The following ATP8A2 variants were observed in gnomAD, a reference collection of about 807,000 sequenced individuals.
ATP8A2 encodes the protein ATPase phospholipid transporting 8A2.
Under a neutral mutation model 165.6 loss-of-function variants are expected in ATP8A2, and 100 were observed. The observed-to-expected ratio is 0.60, with a 90% confidence interval of 0.51 to 0.71. The LOEUF (loss-of-function observed/expected upper bound fraction) is 0.71. Ranked by LOEUF, ATP8A2 falls within the 30% of genes least tolerant of loss-of-function variation. The probability of loss-of-function intolerance (pLI) is 0.00; values close to 1 mark genes in which losing one functional copy is unlikely to be tolerated. For synonymous variants in ATP8A2, 543 were observed against 548.8 expected, an observed-to-expected ratio of 0.99 and a Z score of 0.15; for missense variants, 1,227 against 1,479.5, an observed-to-expected ratio of 0.83 and a Z score of 2.80.
intron 25 of ATP8A2, among the ~76,000 whole-genome samples, chr13:25,712,999 T>A (rs1244106628): frequency 6.6e-6 from 1 of 152,236 alleles, no homozygotes; most frequent in Non-Finnish European, 1.5e-5. Flanking sequence ...TAGTTTACTA[T>A]ACCATGTCTT....
chr13:25,560,959 T>C (rs1297314608), intron 15 of ATP8A2, among the ~76,000 whole-genome samples: 1 of 151,216 alleles, frequency 6.6e-6, no homozygotes, highest in Non-Finnish European at 1.5e-5. Context: ...TCATCTTGGC[T>C]CACTGCAAGC....
intron 33 of ATP8A2, among the ~76,000 whole-genome samples, chr13:25,870,608 T>A (rs1952647052): frequency 6.6e-6 from 1 of 152,186 alleles, no homozygotes; most frequent in South Asian, 2.1e-4. Flanking sequence ...ATGAGGAAAC[T>A]GAGGCTTAGA....
At chr13:25,456,426 C>T (rs1566146361) in intron 1 of ATP8A2, among the ~76,000 whole-genome samples, 1 of 152,214 alleles carries the variant, frequency 6.6e-6, no homozygotes, top group Non-Finnish European at 1.5e-5. Flanking sequence ...GACTGGACTG[C>T]TGCACATGGT....
intron 27 of ATP8A2, among the ~76,000 whole-genome samples, chr13:25,797,112 A>G (rs1950513331): frequency 6.6e-6 from 1 of 152,146 alleles, no homozygotes; most frequent in Non-Finnish European, 1.5e-5. Flanking sequence ...TACTAAAAAT[A>G]CAAAAATTAG....
At chr13:25,454,490 G>A (rs1315422348) in intron 1 of ATP8A2, among the ~76,000 whole-genome samples, 1 of 152,064 alleles carries the variant, frequency 6.6e-6, no homozygotes, top group Non-Finnish European at 1.5e-5. Context: ...TTCATGTGGC[G>A]ACGTTGATCT....
intron 2 of ATP8A2, among the ~76,000 whole-genome samples, chr13:25,523,755 T>G (rs920778070): frequency 2.6e-5 from 4 of 152,128 alleles, no homozygotes; most frequent in East Asian, 1.9e-4. Flanking sequence ...GAGTCTTCCC[T>G]TTTCTTCCTA....
chr13:25,606,096 C>T (rs2138402974), intron 24 of ATP8A2, among the ~76,000 whole-genome samples: 1 of 152,274 alleles, frequency 6.6e-6, no homozygotes, highest in African/African-American at 2.4e-5. Context: ...GGTATTTTCT[C>T]AGTGTTGTTT....
chr13:25,993,110 C>T (rs1202940076), intron 35 of ATP8A2, among the ~76,000 whole-genome samples: 1 of 151,658 alleles, frequency 6.6e-6, no homozygotes, highest in Non-Finnish European at 1.5e-5. Flanking sequence ...TGGGTTGGTT[C>T]CAAGTCTTTG....
intron 2 of ATP8A2, among the ~76,000 whole-genome samples, chr13:25,503,060 G>C (rs1454059484): frequency 6.6e-6 from 1 of 152,178 alleles, no homozygotes; most frequent in Non-Finnish European, 1.5e-5. Context: ...GAATGTCCAG[G>C]ACTAGGCGGG....
At chr13:25,727,011 G>A (rs548882589) in intron 25 of ATP8A2, among the ~76,000 whole-genome samples, 4 of 152,248 alleles carry the variant, frequency 2.6e-5, no homozygotes, top group East Asian at 1.9e-4. Flanking sequence ...TTGATTTTCC[G>A]TGTAGTACCT....
rs983440236 is a variant in ATP8A2 at position 25,634,251 on chromosome 13, C to T, written c.2211+44552C>T. Among the ~76,000 whole-genome samples the T allele has an allele frequency of 6.6e-5, 10 of 152,028 alleles. 1 individual carries two copies. The highest frequency in any genetic ancestry group is 1.9e-4 in the African/African-American group (8 of 41,418). On this transcript the variant is annotated intron_variant, in intron 24 of 36. Coordinates refer to ENST00000381655, the MANE Select transcript of ATP8A2 (RefSeq NM_016529.6). ...TGTCAGAAAATCTGCCTGATTTTCT[C>T]GAGGGACCGAAGCTACAATTGGGAA...
At chr13:25,823,447 C>A (rs768554460) in intron 27 of ATP8A2, among the ~76,000 whole-genome samples, 3 of 152,042 alleles carry the variant, frequency 2.0e-5, no homozygotes, top group Non-Finnish European at 4.4e-5. Context: ...ATATAAGACA[C>A]GTGTTTAATA....
chr13:25,771,002 C>G (rs978206828), intron 26 of ATP8A2, among the ~76,000 whole-genome samples: 2 of 152,210 alleles, frequency 1.3e-5, no homozygotes, highest in Non-Finnish European at 2.9e-5. Context: ...AGCGGGGGCT[C>G]TGTGTTAGAT....
intron 25 of ATP8A2, among the ~76,000 whole-genome samples, chr13:25,702,811 G>C (rs1331831005): frequency 6.6e-6 from 1 of 152,162 alleles, no homozygotes; most frequent in African/African-American, 2.4e-5. Flanking sequence ...AGCATCTGGT[G>C]TTGAGGGCTC....
intron 2 of ATP8A2, among the ~76,000 whole-genome samples, chr13:25,517,992 A>T (rs894224630): frequency 6.6e-6 from 1 of 152,230 alleles, no homozygotes; most frequent in African/African-American, 2.4e-5. Context: ...AATTGATGCC[A>T]GATGTGGAAG....
intron 30 of ATP8A2, among the ~76,000 whole-genome samples, chr13:25,859,087 C>A (rs1952259471): frequency 6.6e-6 from 1 of 152,042 alleles, no homozygotes; most frequent in Non-Finnish European, 1.5e-5. Context: ...CCTGTAATCC[C>A]AGCTACTTGG....
At chr13:25,884,509 A>G (rs1185869532) in intron 33 of ATP8A2, among the ~76,000 whole-genome samples, 1 of 152,132 alleles carries the variant, frequency 6.6e-6, no homozygotes, top group South Asian at 2.1e-4. Context: ...CTGCAGAAGG[A>G]GGCAAGAGAT....
At position 25,860,197 on chromosome 13, in the gene ATP8A2, A is replaced by G. The variant is rs1053116911; in HGVS notation, c.2959A>G (p.Thr987Ala). ...ATAGTAACTTCTTTGTTTTTCAGAT[A>G]CTGTGTTGACAAGTGGTCATGCTAC... is the stretch of plus-strand genomic sequence containing the variant. ...WFPMKALEHD[T>A]VLTSGHATDY... is the part of the protein sequence containing the mutation. The change falls in exon 31 of 37, where the codon ACT becomes GCT. Residue 987 changes from threonine (T) to alanine (A), a missense_variant and splice_region_variant. Thr to Ala is a moderately conservative substitution (Grantham distance 58). Around this residue, in one of 5 missense-constraint regions of ATP8A2, gnomAD observed 260 missense variants for 245.1 expected, o/e 1.06. Coordinates refer to ENST00000381655, the MANE Select transcript of ATP8A2 (RefSeq NM_016529.6). The G allele has an allele frequency of 6.2e-7, 1 of 1,609,440 alleles. No homozygotes were observed.
chr13:25,441,133 T>C (rs532955229), intron 1 of ATP8A2, among the ~76,000 whole-genome samples: 1 of 152,352 alleles, frequency 6.6e-6, no homozygotes, highest in African/African-American at 2.4e-5. Context: ...TTTCAGGCTA[T>C]TTATTTCAGT....
Sources: allele counts gnomAD v4.1 joint callset (sites outside exome capture counted in the v4.1 genomes callset), GRCh38; gene constraint gnomAD v4.1.1; regional missense constraint gnomAD v4.1.1; transcripts MANE v1.5; gene names NCBI Gene and HGNC (gene_info 2026-07-23, HGNC 2026-07-21).